The following TRAPPC9 variants were observed in gnomAD, a reference collection of about 807,000 sequenced individuals.
TRAPPC9 encodes the protein IKK2 binding protein.
A neutral mutation model predicts 124.0 loss-of-function variants in TRAPPC9; 83 were observed. The observed-to-expected ratio is 0.67, with a 90% CI of 0.56 to 0.80. The LOEUF is 0.80. Among genes scored for constraint, TRAPPC9 ranks in the 30% least tolerant of loss-of-function variants. TRAPPC9 has a pLI of 0.00. For synonymous variants in TRAPPC9, 638 were observed against 617.5 expected (o/e 1.03, Z -0.49); for missense variants, 1,302 against 1,508.3 (o/e 0.86, Z 2.27).
chr8:140,070,085 G>T (rs929780496), intron 17 of TRAPPC9, among the ~76,000 whole-genome samples: 2 of 152,158 alleles, frequency 1.3e-5, no homozygotes, highest in Non-Finnish European at 2.9e-5. Flanking sequence ...AGTCCCCTCA[G>T]GGACACACCC....
chr8:140,457,509 G>A (rs1184354865), intron 1 of TRAPPC9, 130 bp downstream of exon 1: 12 of 774,970 alleles, frequency 1.5e-5, no homozygotes, highest in Admixed American at 6.3e-5. Context: ...AGGTGTGGCG[G>A]GCTCCGCCCG....
chr8:139,836,891 G>A (rs1826394194), intron 21 of TRAPPC9, among the ~76,000 whole-genome samples: 1 of 152,128 alleles, frequency 6.6e-6, no homozygotes, highest in East Asian at 1.9e-4. Flanking sequence ...CTCCAGGGAG[G>A]TCAGAAAGGC....
In TRAPPC9 at chr8:139,729,270, T is replaced by C. The variant is rs1466431834; in HGVS notation, c.*1791A>G. Among the ~76,000 whole-genome samples the C allele has an allele frequency of 6.6e-6, 1 of 152,244 alleles. No individual in the cohort carries two copies. Among genetic ancestry groups the C allele is most frequent in the Non-Finnish European group, 1.5e-5 (1 of 68,036 alleles). On this transcript the variant is annotated 3_prime_UTR_variant, in exon 23 of 23. Transcript: ENST00000438773. ...GGGGACATTGTCTACACAAGTGAGGTTGGGCTGAGCCCATCATCCTGCAAT... is the reference window on the plus strand; with the variant it reads ...GGGGACATTGTCTACACAAGTGAGGCTGGGCTGAGCCCATCATCCTGCAAT...
chr8:140,129,674 G>A (rs371939033), intron 17 of TRAPPC9, among the ~76,000 whole-genome samples: 7 of 148,608 alleles, frequency 4.7e-5, no homozygotes, highest in African/African-American at 5.2e-5. Context: ...CTTTCTCCCC[G>A]AGAGAAAAGG....
rs1459191014 is a variant in TRAPPC9 at position 140,257,132 on chromosome 8, C to T, written c.2279-4203G>A. On this transcript the variant is annotated intron_variant, in intron 15 of 22. Coordinates refer to ENST00000438773, the MANE Select transcript of TRAPPC9 (RefSeq NM_001160372.4). The surrounding 1 kb of genome is among the most constrained non-coding windows in gnomAD (Gnocchi z 4.6). ...CAGAGTAGTTAGCTTACAGCATACC[C>T]TTAGCTCCTCCCAAAATCTCCATAT... 6.6e-6 allele frequency among the ~76,000 whole-genome samples: 1 copy of T among 152,232 alleles called. No individual in the cohort carries two copies. Among genetic ancestry groups the T allele is most frequent in the Admixed American group, 6.5e-5 (1 of 15,284 alleles).
chr8:139,739,518 C>T (rs7817520), intron 21 of TRAPPC9, among the ~76,000 whole-genome samples: 125,137 of 152,232 alleles, frequency 0.82, 51,753 homozygotes, highest in East Asian at 0.89. Context: ...GTGTCCTCCC[C>T]GCCACTGCTC....
intron 17 of TRAPPC9, among the ~76,000 whole-genome samples, chr8:140,084,187 G>A (rs962846535): frequency 4.6e-5 from 7 of 152,204 alleles, no homozygotes; most frequent in Admixed American, 1.3e-4. Flanking sequence ...AGGCTGGGCA[G>A]TGGAACCATG....
chr8:139,981,165 G>A (rs979444394), intron 19 of TRAPPC9, among the ~76,000 whole-genome samples: 37 of 152,114 alleles, frequency 2.4e-4, no homozygotes, highest in Non-Finnish European at 4.6e-4. Flanking sequence ...AGAGCCATCT[G>A]GGTTTGTATC....
intron 11 of TRAPPC9, among the ~76,000 whole-genome samples, chr8:140,294,285 C>A (rs1380132406): frequency 6.6e-6 from 1 of 152,136 alleles, no homozygotes; most frequent in Non-Finnish European, 1.5e-5. Context: ...TCCTCATTTA[C>A]ACAAGTCAGT....
intron 21 of TRAPPC9, among the ~76,000 whole-genome samples, chr8:139,823,686 T>C (rs1438163347): frequency 6.6e-6 from 1 of 152,164 alleles, no homozygotes; most frequent in African/African-American, 2.4e-5. Context: ...TGACGGACAG[T>C]GTTCCTGGGA....
intron 17 of TRAPPC9, among the ~76,000 whole-genome samples, chr8:140,127,232 A>G (rs1035926836): frequency 1.3e-5 from 2 of 152,222 alleles, no homozygotes; most frequent in African/African-American, 4.8e-5. Flanking sequence ...ATCTGGATAG[A>G]AGCTCTGTGA....
chr8:140,290,933 C>T, intron 12 of TRAPPC9, 60 bp downstream of exon 12: 1 of 1,375,726 alleles, frequency 7.3e-7, no homozygotes, highest in South Asian at 1.2e-5. Flanking sequence ...TAAGTAAAAC[C>T]TACTTTAATG....
chr8:140,032,951 G>A (rs998027371), intron 17 of TRAPPC9, among the ~76,000 whole-genome samples: 2 of 152,148 alleles, frequency 1.3e-5, no homozygotes, highest in Non-Finnish European at 2.9e-5. Context: ...TCTCAATGTA[G>A]TTTCATTTTA....
At chr8:139,883,942 T>C (rs529784180) in intron 21 of TRAPPC9, among the ~76,000 whole-genome samples, 2 of 152,302 alleles carry the variant, frequency 1.3e-5, no homozygotes, top group South Asian at 2.1e-4. Context: ...GCAGCTCTTA[T>C]GCAAAATGCC....
chr8:139,728,487 G>C lies in TRAPPC9; in HGVS notation c.*2574C>G, dbSNP rs528981157. Among the ~76,000 whole-genome samples, 1 of 152,284 alleles carries C rather than the reference G, an allele frequency of 6.6e-6. No individual in the cohort carries two copies. The highest frequency in any genetic ancestry group is 1.5e-5 in the Non-Finnish European group (1 of 68,026). ...CCTGGAAGAGGCTGGAGGATACTGCGCTGTCACTGAGACACCTGCCCCAGG... is the reference window on the plus strand; with the variant it reads ...CCTGGAAGAGGCTGGAGGATACTGCCCTGTCACTGAGACACCTGCCCCAGG... On this transcript the variant is annotated 3_prime_UTR_variant, in exon 23 of 23. Coordinates refer to ENST00000438773, the MANE Select transcript of TRAPPC9 (RefSeq NM_001160372.4).
intron 20 of TRAPPC9, among the ~76,000 whole-genome samples, chr8:139,898,140 G>A (rs1410224920): frequency 6.6e-6 from 1 of 152,252 alleles, no homozygotes; most frequent in African/African-American, 2.4e-5. Flanking sequence ...TCCTAGAAGA[G>A]GGGCAAGGGG....
At chr8:140,300,340 TGCACACATCCACGCAC>T in intron 11 of TRAPPC9, 113 bp downstream of exon 11, 1 of 1,217,138 alleles carries the variant, frequency 8.2e-7, no homozygotes, top group Non-Finnish European at 1.2e-6. Context: ...TATGCATGCG[TGCACACATCCACGCAC>T]GCACACACAT....
intron 4 of TRAPPC9, among the ~76,000 whole-genome samples, chr8:140,433,017 T>A (rs1048107870): frequency 6.6e-6 from 1 of 151,704 alleles, no homozygotes; most frequent in Non-Finnish European, 1.5e-5. Flanking sequence ...TAAAACAGCA[T>A]AATCGGCCAA....
intron 17 of TRAPPC9, among the ~76,000 whole-genome samples, chr8:140,134,166 C>G (rs1033188302): frequency 2.0e-5 from 3 of 152,098 alleles, no homozygotes; most frequent in African/African-American, 7.2e-5. Context: ...CACGGTAATA[C>G]AAACATTGTG....
Sources: allele counts gnomAD v4.1 joint callset (sites outside exome capture counted in the v4.1 genomes callset), GRCh38; gene constraint gnomAD v4.1.1; non-coding constraint Gnocchi (gnomAD v3.1); transcripts MANE v1.5; gene names NCBI Gene and HGNC (gene_info 2026-07-23, HGNC 2026-07-21).